Variants in TATDN2 observed in about 807,000 individuals in gnomAD.
TATDN2 encodes 3'-5' RNA nuclease TATDN2.
TATDN2 carries 44 observed loss-of-function variants against 60.3 expected under a neutral mutation model. That is an observed-to-expected ratio of 0.73 (90% CI 0.57 to 0.94). The LOEUF (loss-of-function observed/expected upper bound fraction) is 0.94, where lower values mean the gene tolerates loss of function less well. TATDN2 is among the 40% of genes least tolerant of loss of function. The pLI, the probability that TATDN2 is intolerant of heterozygous loss-of-function variation, is 0.00. For synonymous variants in TATDN2, 399 were observed against 355.8 expected, an observed-to-expected ratio of 1.12 and a Z score of -1.37; for missense variants, 997 against 948.0, an observed-to-expected ratio of 1.05 and a Z score of -0.68.
chr3:10,270,796 T>TG lies in TATDN2; in HGVS notation c.1615dup (p.Asp539GlyfsTer35). ...TTCAGGGCTGCATCTCTGACTTCTGTGATCCCCGCACCCTGACAGATTGCC... is the reference window on the plus strand; with the variant it reads ...TTCAGGGCTGCATCTCTGACTTCTGTGGATCCCCGCACCCTGACAGATTGCC... On this transcript the variant is annotated frameshift_variant, in exon 4 of 8. Transcript: ENST00000448281. LOFTEE classifies it high-confidence loss of function. 1 of 1,614,226 alleles carries TG rather than the reference T, an allele frequency of 6.2e-7. No homozygotes were observed.
chr3:10,250,526 A>G (rs1698206802), intron 2 of TATDN2, among the ~76,000 whole-genome samples: 1 of 152,082 alleles, frequency 6.6e-6, no homozygotes, highest in Non-Finnish European at 1.5e-5. Context: ...AAATTACTTT[A>G]CAAAAGCAAT....
chr3:10,262,746 G>A (rs929496023), intron 3 of TATDN2, among the ~76,000 whole-genome samples: 1 of 151,528 alleles, frequency 6.6e-6, no homozygotes, highest in Non-Finnish European at 1.5e-5. Flanking sequence ...TGTTGGCCAG[G>A]CTGGTCTCAA....
chr3:10,270,962 A>G lies in TATDN2; in HGVS notation c.1780A>G (p.Met594Val), dbSNP rs1698554721. 2 of 1,612,572 alleles carry G rather than the reference A, an allele frequency of 1.2e-6. No homozygotes were observed. Among genetic ancestry groups the G allele is most frequent in the Non-Finnish European group, 8.5e-7 (1 of 1,179,352 alleles). The change falls in exon 4 of 8, where the codon ATG becomes GTG. Residue 594 changes from methionine (M) to valine (V), a missense_variant. Physicochemically the swap from Met to Val is conservative, Grantham distance 21. Coordinates refer to ENST00000448281, the MANE Select transcript of TATDN2 (RefSeq NM_014760.4). ...RHPKAVAFGE[M>V]GLDYSYKCTT... ...CCCTAAGGCTGTGGCATTTGGAGAA[A>G]TGGGCTTGGATTACTCTTACAAGTG...
At chr3:10,251,136 C>T (rs1698228210) in intron 2 of TATDN2, among the ~76,000 whole-genome samples, 1 of 152,140 alleles carries the variant, frequency 6.6e-6, no homozygotes, top group East Asian at 1.9e-4. Flanking sequence ...TCAGTAGAAG[C>T]ACTTGAGGGT....
chr3:10,279,468 A>C lies in TATDN2; in HGVS notation c.*286A>C, dbSNP rs1698694386. ...AAATGCTCCAGGGTAGGCAGCAAAG[A>C]AGAAAGAGTGCGATATGAGGGTACA... On this transcript the variant is annotated 3_prime_UTR_variant, in exon 8 of 8. Transcript: ENST00000448281. The C allele has an allele frequency of 5.8e-6, 1 of 173,310 alleles. No individual in the cohort carries two copies. Among genetic ancestry groups the C allele is most frequent in the Non-Finnish European group, 1.2e-5 (1 of 80,712 alleles). The allele number at this position is 173,310 out of a possible 1,614,324, so 10.7% of individuals were successfully genotyped here.
intron 3 of TATDN2, among the ~76,000 whole-genome samples, chr3:10,268,464 A>G (rs1382951216): frequency 1.3e-5 from 2 of 152,260 alleles, no homozygotes; most frequent in Admixed American, 6.5e-5. Context: ...TTGCTCATCA[A>G]GCCTTCTGTC....
chr3:10,278,721 C>T lies in TATDN2; in HGVS notation c.2146-164C>T, dbSNP rs1483015489. 8.7e-7 allele frequency: 1 copy of T among 1,151,514 alleles called. No individual in the cohort carries two copies. Among genetic ancestry groups the T allele is most frequent in the Non-Finnish European group, 1.3e-6 (1 of 793,258 alleles). 71.3% of individuals were successfully genotyped at this position (1,151,514 alleles called of 1,614,324 possible). A position where few individuals can be genotyped will look rare whatever the true frequency, so the allele number is the denominator to read the frequency against. On this transcript the variant is annotated intron_variant, in intron 6 of 7. Coordinates refer to ENST00000448281, the MANE Select transcript of TATDN2 (RefSeq NM_014760.4). This position sits in a 1 kb window ranked among gnomAD's most constrained non-coding sequence, Gnocchi z 4.7. ...CCAAGGAAGCGTGGGACCCTGCTCA[C>T]CCAGAGCCCCCATGACTAGGACTCT...
chr3:10,249,056 GAA>G lies in TATDN2; in HGVS notation c.-17_-16del. 1.1e-6 allele frequency: 1 copy of G among 938,212 alleles called. No individual in the cohort carries two copies. Among genetic ancestry groups the G allele is most frequent in the African/African-American group, 1.7e-5 (1 of 59,000 alleles). The allele number at this position is 938,212 out of a possible 1,614,324, so 58.1% of individuals were successfully genotyped here. On this transcript the variant is annotated 5_prime_UTR_variant, in exon 1 of 8. Transcript: ENST00000448281. ...TGAGAACTGTGATGGGCAGTGGAAAGAAGAGGGAAAGGTCAGTGAGGCTAGCC... is the reference window on the plus strand; with the variant it reads ...TGAGAACTGTGATGGGCAGTGGAAAGGAGGGAAAGGTCAGTGAGGCTAGCC...
intron 4 of TATDN2, 59 bp from the exon 5 acceptor site, chr3:10,276,302 G>T: frequency 6.2e-7 from 1 of 1,600,062 alleles, no homozygotes; most frequent in African/African-American, 1.3e-5. Flanking sequence ...GCGTTCCAGA[G>T]GTGATGGACT....
rs1243245700 is a variant in TATDN2, at chr3:10,270,699, A to G, written c.1517A>G (p.Tyr506Cys). The G allele has an allele frequency of 3.7e-6, 6 of 1,614,102 alleles. No individual in the cohort carries two copies. Among genetic ancestry groups the G allele is most frequent in the African/African-American group, 1.3e-5 (1 of 74,940 alleles). Residue 506 changes from tyrosine to cysteine, a missense_variant, in exon 4 of 8, where the codon TAT (tyrosine) becomes TGT (cysteine). By Grantham distance (194) the Tyr-to-Cys change is radical. Transcript: ENST00000448281. ...IDTHCHLDML[Y>C]SKLSFQGTFT... ...ACTCATTGTCACCTGGACATGCTCT[A>G]TTCCAAGCTATCTTTCCAAGGGACC...
intron 3 of TATDN2, 132 bp downstream of exon 3, chr3:10,260,802 CTGA>C (rs971500089): frequency 9.0e-5 from 92 of 1,020,978 alleles, no homozygotes; most frequent in Non-Finnish European, 1.1e-4. Context: ...AGGGAACAAA[CTGA>C]TGGTTTTCTT....
intron 4 of TATDN2, among the ~76,000 whole-genome samples, chr3:10,276,054 C>G (rs1013625416): frequency 2.0e-5 from 3 of 152,168 alleles, no homozygotes; most frequent in African/African-American, 7.2e-5. Flanking sequence ...GTGTGGAATG[C>G]CAGGGTTCAA....
At position 10,260,263 on chromosome 3, in the gene TATDN2, C is replaced by G. The variant is rs1216797323; in HGVS notation, c.541C>G (p.Gln181Glu). 6.2e-7 allele frequency: 1 copy of G among 1,614,132 alleles called. No individual in the cohort carries two copies. Among genetic ancestry groups the G allele is most frequent in the South Asian group, 1.1e-5 (1 of 91,072 alleles). The change falls in exon 3 of 8, where the codon CAG becomes GAG. Residue 181 changes from glutamine (Q) to glutamate (E), a missense_variant. Gln to Glu is a conservative substitution (Grantham distance 29). Coordinates refer to ENST00000448281, the MANE Select transcript of TATDN2 (RefSeq NM_014760.4). ...AAGGAAGAGGGATAGACTTCGAGAC[C>G]AGGGCTCCACAATGATCTACCTGAA... is the stretch of plus-strand genomic sequence containing the variant. ...QKRKRDRLRD[Q>E]GSTMIYLKAI...
intron 2 of TATDN2, among the ~76,000 whole-genome samples, chr3:10,253,555 G>A (rs1453559362): frequency 6.6e-6 from 1 of 152,180 alleles, no homozygotes; most frequent in East Asian, 1.9e-4. Context: ...TGTGTGACGA[G>A]CACCTTCATG....
chr3:10,274,777 A>C (rs1272826339), intron 4 of TATDN2, among the ~76,000 whole-genome samples: 1 of 152,184 alleles, frequency 6.6e-6, no homozygotes, highest in Admixed American at 6.5e-5. Flanking sequence ...CAAAAGTTAC[A>C]TCAGAATTGG....
intron 4 of TATDN2, among the ~76,000 whole-genome samples, chr3:10,273,658 C>T (rs532409611): frequency 6.6e-6 from 1 of 151,424 alleles, no homozygotes; most frequent in African/African-American, 2.4e-5. Context: ...GGTGACAGAC[C>T]CTGCTCATTA....
intron 3 of TATDN2, 61 bp downstream of exon 3, chr3:10,260,731 C>T: frequency 6.5e-7 from 1 of 1,543,194 alleles, no homozygotes; most frequent in Non-Finnish European, 8.7e-7. Flanking sequence ...TGTGTTCCAT[C>T]TTTCTAGTTT....
chr3:10,270,898 T>C lies in TATDN2; in HGVS notation c.1716T>C (p.Ser572=). The C allele has an allele frequency of 6.2e-7, 1 of 1,614,162 alleles. No individual in the cohort carries two copies. The highest frequency in any genetic ancestry group is 8.5e-7 in the Non-Finnish European group (1 of 1,180,024). The change falls in exon 4 of 8, where the codon AGT becomes AGC. Residue 572 remains serine (S), a synonymous_variant. Coordinates refer to ENST00000448281, the MANE Select transcript of TATDN2 (RefSeq NM_014760.4). Reference sequence around the variant, plus strand: ...ACCCTCATTTTGCACGTTACTACAGTGAGAGTCAAGAAAGAAATCTTTTGC... The same window carrying C: ...ACCCTCATTTTGCACGTTACTACAGCGAGAGTCAAGAAAGAAATCTTTTGC... ...GCHPHFARYY[S]ESQERNLLQA...
At position 10,279,078 on chromosome 3, in the gene TATDN2, A is replaced by G. The variant is rs367905228; in HGVS notation, c.*38+15A>G. 1.3e-6 allele frequency: 2 copies of G among 1,577,996 alleles called. No individual in the cohort carries two copies. The highest frequency in any genetic ancestry group is 2.2e-5 in the East Asian group (1 of 44,464). On this transcript the variant is annotated intron_variant, in intron 7 of 7. Transcript: ENST00000448281. The stretch of plus-strand genomic sequence containing the variant: ...TCCTAGAAAAGGTCGTAAAACTCAC[A>G]TTCTGTATTTTTTAAAAACCAGGAC...
Sources: allele counts gnomAD v4.1 joint callset (sites outside exome capture counted in the v4.1 genomes callset), GRCh38; gene constraint gnomAD v4.1.1; non-coding constraint Gnocchi (gnomAD v3.1); transcripts MANE v1.5; gene names NCBI Gene and HGNC (gene_info 2026-07-23, HGNC 2026-07-21).